The following TAF1B variants were observed in gnomAD, a reference collection of about 807,000 sequenced individuals.
TAF1B encodes TATA-box binding protein associated factor, RNA polymerase I subunit B, also known as TATA box-binding protein-associated factor RNA polymerase I subunit B.
Under a neutral mutation model 83.9 loss-of-function variants are expected in TAF1B, and 61 were observed. The ratio of observed to expected loss-of-function variants is 0.73; its 90% CI spans 0.59 to 0.90. The LOEUF (loss-of-function observed/expected upper bound fraction) is 0.90, where lower values mean the gene tolerates loss of function less well. Among genes scored for constraint, TAF1B ranks in the 40% least tolerant of loss-of-function variants. The pLI is 0.00. For synonymous variants in TAF1B, 221 were observed against 224.6 expected, an observed-to-expected ratio of 0.98 and a Z score of 0.14; for missense variants, 625 against 677.0, an observed-to-expected ratio of 0.92 and a Z score of 0.85.
At chr2:9,868,799 G>A (rs1408451518) in intron 6 of TAF1B, 2 of 429,034 alleles carry the variant, frequency 4.7e-6, no homozygotes, top group East Asian at 7.0e-5. Context: ...AGACAAAGAT[G>A]GTATGTCCAG....
chr2:9,895,032 A>T (rs148257345), intron 8 of TAF1B, among the ~76,000 whole-genome samples: 1 of 152,168 alleles, frequency 6.6e-6, no homozygotes, highest in South Asian at 2.1e-4. Flanking sequence ...TCAGTTGGCA[A>T]ATCCTCATTG....
intron 3 of TAF1B, 57 bp from the exon 4 acceptor site, chr2:9,851,484 G>A: frequency 7.6e-7 from 1 of 1,320,210 alleles, no homozygotes; most frequent in South Asian, 1.4e-5. Context: ...AACTGTAGTA[G>A]CATTAAAGTT....
intron 14 of TAF1B, among the ~76,000 whole-genome samples, chr2:9,925,458 A>G (rs953218630): frequency 2.6e-5 from 4 of 152,124 alleles, no homozygotes; most frequent in Non-Finnish European, 5.9e-5. Flanking sequence ...GAAAAGTGTA[A>G]GTACTGTTAT....
intron 8 of TAF1B, among the ~76,000 whole-genome samples, chr2:9,898,890 ATG>A (rs1243803963): frequency 1.3e-5 from 2 of 148,356 alleles, no homozygotes; most frequent in African/African-American, 2.5e-5. Flanking sequence ...CCTCTTTAAC[ATG>A]TGTTTTTTTT....
chr2:9,902,270 G>A (rs372031), intron 8 of TAF1B, among the ~76,000 whole-genome samples: 42,114 of 148,742 alleles, frequency 0.28, 6,886 homozygotes, highest in Middle Eastern at 0.41. Flanking sequence ...AAATAGACAC[G>A]TAGGAAAGTC....
intron 5 of TAF1B, among the ~76,000 whole-genome samples, chr2:9,861,082 G>T (rs1400761573): frequency 1.3e-5 from 2 of 152,228 alleles, no homozygotes; most frequent in Non-Finnish European, 2.9e-5. Flanking sequence ...TCTCACTGGG[G>T]AGTGCGGGAC....
intron 7 of TAF1B, among the ~76,000 whole-genome samples, chr2:9,876,965 T>C (rs1664338063): frequency 6.6e-6 from 1 of 152,204 alleles, no homozygotes; most frequent in African/African-American, 2.4e-5. Context: ...CTCAGCCCCT[T>C]TGATTAAATG....
At chr2:9,860,258 T>C (rs1663708132) in intron 5 of TAF1B, among the ~76,000 whole-genome samples, 1 of 151,902 alleles carries the variant, frequency 6.6e-6, no homozygotes, top group Admixed American at 6.6e-5. Context: ...ATTTCAAGCA[T>C]GCAGTTAGAT....
intron 2 of TAF1B, among the ~76,000 whole-genome samples, chr2:9,849,088 G>A (rs1663298908): frequency 6.6e-6 from 1 of 152,098 alleles, no homozygotes; most frequent in Non-Finnish European, 1.5e-5. Flanking sequence ...AGTTTGGCTT[G>A]GTTTGTAAAA....
At chr2:9,915,893 C>G (rs1665667212) in intron 12 of TAF1B, among the ~76,000 whole-genome samples, 1 of 138,678 alleles carries the variant, frequency 7.2e-6, no homozygotes, top group South Asian at 2.4e-4. Flanking sequence ...AGTGGAATAC[C>G]ATTTAGCAGT....
At chr2:9,845,602 G>A (rs1259227497) in intron 2 of TAF1B, 5 of 311,464 alleles carry the variant, frequency 1.6e-5, no homozygotes, top group South Asian at 3.2e-5. Flanking sequence ...AGAAGATGAT[G>A]CATTTCTTTT....
chr2:9,919,617 G>A lies in TAF1B; in HGVS notation c.1362G>A (p.Gln454=). 6.2e-7 allele frequency: 1 copy of A among 1,613,992 alleles called. No homozygotes were observed. The highest frequency in any genetic ancestry group is 1.3e-5 in the African/African-American group (1 of 74,992). ...TTCCAGAAATGGTGGTGAATCTACAGAAACAATTTAGCACACTGGTCGAGT... is the reference window on the plus strand; with the variant it reads ...TTCCAGAAATGGTGGTGAATCTACAAAAACAATTTAGCACACTGGTCGAGT... ...YKKREMVVNL[Q]KQFSTLVEST... is the part of the protein sequence containing the mutation. The change falls in exon 14 of 15, where the codon CAG becomes CAA. Residue 454 remains glutamine (Q), a synonymous_variant. Coordinates refer to ENST00000263663, the MANE Select transcript of TAF1B (RefSeq NM_005680.3).
intron 7 of TAF1B, among the ~76,000 whole-genome samples, chr2:9,880,065 A>G (rs1237421673): frequency 1.3e-5 from 2 of 152,188 alleles, no homozygotes; most frequent in Admixed American, 1.3e-4. Flanking sequence ...GTCTTTTGCT[A>G]TCCTCCAGGC....
At chr2:9,880,426 CTTTTTTTTTTT>C (rs6146620) in intron 7 of TAF1B, among the ~76,000 whole-genome samples, 8,728 of 75,908 alleles carry the variant, frequency 0.11, 530 homozygotes, top group South Asian at 0.34. Context: ...GAGTAAGCAG[CTTTTTTTTTTT>C]TTTTTTTTTT....
intron 14 of TAF1B, among the ~76,000 whole-genome samples, chr2:9,924,627 CTG>C (rs1317438819): frequency 6.6e-6 from 1 of 152,188 alleles, no homozygotes; most frequent in East Asian, 1.9e-4. Context: ...AAACAGGCAA[CTG>C]TAATAATATC....
At chr2:9,871,403 C>G (rs1411052555) in intron 6 of TAF1B, among the ~76,000 whole-genome samples, 1 of 152,036 alleles carries the variant, frequency 6.6e-6, no homozygotes, top group Non-Finnish European at 1.5e-5. Context: ...TTACCACCAT[C>G]CTGAGATTCT....
chr2:9,922,136 A>C (rs1302926488), intron 14 of TAF1B, among the ~76,000 whole-genome samples: 1 of 152,226 alleles, frequency 6.6e-6, no homozygotes. Context: ...GGCTGTTTCT[A>C]TCCTAAGTCT....
intron 5 of TAF1B, among the ~76,000 whole-genome samples, chr2:9,860,900 A>G (rs1032179611): frequency 1.8e-4 from 27 of 152,246 alleles, no homozygotes; most frequent in African/African-American, 6.5e-4. Context: ...TTTTGCTGCA[A>G]CAAGTACAAA....
At chr2:9,913,020 G>GTC in intron 11 of TAF1B, 139 bp from the exon 12 acceptor site, 1 of 605,660 alleles carries the variant, frequency 1.7e-6, no homozygotes, top group African/African-American at 1.9e-5. Flanking sequence ...CAGTTCTGTT[G>GTC]TCTCTCTAAT....
Sources: gnomAD v4.1 joint callset for allele counts (sites outside exome capture counted in the v4.1 genomes callset) on GRCh38, gnomAD v4.1.1 for gene constraint, MANE v1.5 for transcripts, NCBI Gene and HGNC (gene_info 2026-07-23, HGNC 2026-07-21) for gene names.